ZNF43: variants seen among roughly 807,000 people sequenced by gnomAD.
ZNF43 encodes zinc finger protein 39-like 1 (KOX 27).
A neutral mutation model predicts 68.4 loss-of-function variants in ZNF43; 44 were observed. The ratio of observed to expected loss-of-function variants is 0.64; its 90% CI spans 0.51 to 0.83. ZNF43 has a LOEUF of 0.83. Among genes scored for constraint, ZNF43 ranks in the 40% least tolerant of loss-of-function variants. The pLI is 0.00. For missense variants in ZNF43, 896 were observed against 933.2 expected (o/e 0.96, Z 0.52); for synonymous variants, 308 against 307.8 (o/e 1.00, Z -0.01).
Position 21,809,086 on chromosome 19 carries a change from T to C in ZNF43, c.951A>G (p.Glu317=), listed in dbSNP as rs1431947768. Residue 317 remains glutamate (E), a synonymous_variant, in exon 4 of 4, where the codon GAA becomes GAG. Transcript: ENST00000354959. ...IHPGEKPYKC[E]ECGKAFNWPS... ...GCCAGTTAAAGGCTTTGCCACATTC[T>C]TCACATTTGTAAGGTTTCTCTCCAG... 1 of 1,613,618 alleles carries C rather than the reference T, an allele frequency of 6.2e-7. No homozygotes were observed. Among genetic ancestry groups the C allele is most frequent in the Non-Finnish European group, 8.5e-7 (1 of 1,179,888 alleles).
intron 3 of ZNF43, among the ~76,000 whole-genome samples, chr19:21,816,637 C>T (rs2037541005): frequency 6.6e-6 from 1 of 152,242 alleles, no homozygotes; most frequent in South Asian, 2.1e-4. Flanking sequence ...TTACTGTGGA[C>T]CCTGAAGCAG....
At chr19:21,831,517 C>A in intron 1 of ZNF43, among the ~76,000 whole-genome samples, 1 of 152,002 alleles carries the variant, frequency 6.6e-6, no homozygotes, top group East Asian at 1.9e-4. Context: ...CACACAACAA[C>A]GCCTAGCTAA....
At position 21,836,167 on chromosome 19, in the gene ZNF43, A is replaced by G; in HGVS notation, c.-129T>C. 6.4e-7 allele frequency: 1 copy of G among 1,556,548 alleles called. No individual in the cohort carries two copies. The highest frequency in any genetic ancestry group is 1.2e-5 in the South Asian group (1 of 83,252). ...GAACGAAGACGAGACGCAGAGCTCC[A>G]ACTGCAGCCAGAGACAAAGGCCCCG... On this transcript the variant is annotated 5_prime_UTR_variant, in exon 1 of 4. Transcript: ENST00000354959.
chr19:21,843,366 C>A (rs1385324372), intron 1 of ZNF43: 2 of 985,286 alleles, frequency 2.0e-6, no homozygotes, highest in East Asian at 1.1e-4. Flanking sequence ...CAGTTCTTCA[C>A]GTGTCTTCAT....
In ZNF43 at chr19:21,807,847, T is replaced by C; in HGVS notation, c.2190A>G (p.Gly730=). The C allele has an allele frequency of 1.9e-6, 3 of 1,613,220 alleles. No individual in the cohort carries two copies. Among genetic ancestry groups the C allele is most frequent in the Non-Finnish European group, 2.5e-6 (3 of 1,179,732 alleles). Residue 730 remains glycine (G), a synonymous_variant, in exon 4 of 4, where the codon GGA becomes GGG. Transcript: ENST00000354959. ...NLIEHKKIHT[G]EQPYKCEECG... is the part of the protein sequence containing the mutation. ...ATTCTTCACATTTGTAGGGTTGCTC[T>C]CCAGTATGAATTTTCTTATGTTCAA...
Position 21,805,075 on chromosome 19 carries a change from T to C in ZNF43, c.*2532A>G, listed in dbSNP as rs1452461286. The stretch of plus-strand genomic sequence containing the variant: ...AATGAAGTGTAGAATTGGCTTGTAA[T>C]ACAAAGGATAAATGCTGAAGGTAAT... On this transcript the variant is annotated 3_prime_UTR_variant, in exon 4 of 4. Transcript: ENST00000354959. 2 of 152,214 alleles carry C rather than the reference T, an allele frequency of 1.3e-5. No homozygotes were observed. The highest frequency in any genetic ancestry group is 2.9e-5 in the Non-Finnish European group (2 of 68,036). 9.4% of individuals were successfully genotyped at this position (152,214 alleles called of 1,614,324 possible).
In ZNF43 at chr19:21,818,130, T is replaced by C. The variant is rs149541963; in HGVS notation, c.131-144A>G. 3.6e-5 allele frequency: 30 copies of C among 823,666 alleles called. No individual in the cohort carries two copies. In the African/African-American group the frequency reaches 4.4e-4, roughly 12 times the overall value. 51.0% of individuals were successfully genotyped at this position (823,666 alleles called of 1,614,324 possible). On this transcript the variant is annotated intron_variant, in intron 2 of 3. Transcript: ENST00000354959. The stretch of plus-strand genomic sequence containing the variant: ...AATTTTTTTTTTTTTGGAGATGGAG[T>C]CTCAATCTGTCACCAAGGCTGGAGT...
chr19:21,847,954 C>G (rs62112966), intron 1 of ZNF43, among the ~76,000 whole-genome samples: 2,591 of 152,116 alleles, frequency 0.017, 31 homozygotes, highest in Middle Eastern at 0.041. Context: ...TCCCAAGTCA[C>G]TGGGACTACA....
chr19:21,808,826 C>T lies in ZNF43; in HGVS notation c.1211G>A (p.Gly404Asp), dbSNP rs546539875. 53 of 1,612,968 alleles carry T rather than the reference C, an allele frequency of 3.3e-5. 1 individual carries two copies. In the South Asian group the frequency reaches 4.8e-4, roughly 15 times the overall value. Residue 404 changes from glycine (G) to aspartate (D), a missense_variant, in exon 4 of 4, where the codon GGC becomes GAC. Gly to Asp is a moderately conservative substitution (Grantham distance 94). Transcript: ENST00000354959. The part of the protein sequence containing the change: ...EKKPYKCEEC[G>D]KAFKWSSKLT... ...CTTTGAGGACCACTTAAAAGCTTTG[C>T]CACATTCTTCACATTTGTAGGGTTT...
intron 1 of ZNF43, among the ~76,000 whole-genome samples, chr19:21,850,498 T>G (rs954469998): frequency 2.5e-4 from 38 of 151,692 alleles, no homozygotes; most frequent in Admixed American, 1.1e-3. Flanking sequence ...AAGCGGAAGT[T>G]GCAGTGAGCC....
At chr19:21,843,356 C>G (rs1967668601) in intron 1 of ZNF43, 1 of 985,180 alleles carries the variant, frequency 1.0e-6, no homozygotes, top group Non-Finnish European at 1.2e-6. Context: ...TCAGATAAAA[C>G]AGTTCTTCAC....
chr19:21,812,786 A>T (rs1355216844), intron 3 of ZNF43, among the ~76,000 whole-genome samples: 2 of 152,052 alleles, frequency 1.3e-5, no homozygotes, highest in East Asian at 1.9e-4. Flanking sequence ...CCCCATCTCT[A>T]CTAAAAACAC....
Position 21,807,501 on chromosome 19 carries a change from TA to T in ZNF43, c.*105del. ...AGTTTTGCCACATTCTTCACACTTG[TA>T]GAAGTTTACTCCAATGTAAATTATC... is the stretch of plus-strand genomic sequence containing the variant. On this transcript the variant is annotated 3_prime_UTR_variant, in exon 4 of 4. Coordinates refer to ENST00000354959, the MANE Select transcript of ZNF43 (RefSeq NM_003423.4). 1 of 1,122,270 alleles carries T rather than the reference TA, an allele frequency of 8.9e-7. No individual in the cohort carries two copies. The highest frequency in any genetic ancestry group is 1.2e-6 in the Non-Finnish European group (1 of 817,092). The allele number at this position is 1,122,270 out of a possible 1,614,324, so 69.5% of individuals were successfully genotyped here. A position where few individuals can be genotyped will look rare whatever the true frequency, so the allele number is the denominator to read the frequency against.
At chr19:21,814,399 G>A (rs1426075357) in intron 3 of ZNF43, among the ~76,000 whole-genome samples, 2 of 150,854 alleles carry the variant, frequency 1.3e-5, no homozygotes, top group Non-Finnish European at 2.9e-5. Context: ...ATAGACATTT[G>A]GTGATTGATC....
upstream of ZNF43, chr19:21,840,623 G>A (rs548891158): frequency 1.3e-5 from 2 of 152,278 alleles, no homozygotes; most frequent in East Asian, 1.9e-4. Flanking sequence ...CTCCAGGTGT[G>A]AGATTCAGAA....
In ZNF43 at chr19:21,836,045, G is replaced by A. The variant is rs1236017634; in HGVS notation, c.-7C>T. On this transcript the variant is annotated 5_prime_UTR_variant, in exon 1 of 4. Coordinates refer to ENST00000354959, the MANE Select transcript of ZNF43 (RefSeq NM_003423.4). ...GGACCGGCACTCTCACCATTTCTAG[G>A]CTTCCGGGGGGTCCTGGCGTCTTAG... 10 of 1,613,996 alleles carry A rather than the reference G, an allele frequency of 6.2e-6. No homozygotes were observed. Among genetic ancestry groups the A allele is most frequent in the Non-Finnish European group, 8.5e-6 (10 of 1,179,872 alleles).
intron 1 of ZNF43, chr19:21,827,237 G>A (rs971467752): frequency 1.3e-5 from 2 of 152,150 alleles, no homozygotes; most frequent in African/African-American, 4.8e-5. Flanking sequence ...TTGGATGGGA[G>A]TTCCATATTG....
chr19:21,844,591 A>T (rs554013123), intron 1 of ZNF43, among the ~76,000 whole-genome samples: 1 of 151,962 alleles, frequency 6.6e-6, no homozygotes, highest in Admixed American at 6.6e-5. Context: ...GTAATTTGTA[A>T]GCTCAGGCAA....
Position 21,819,924 on chromosome 19 carries a change from C to G in ZNF43, c.4-703G>C, listed in dbSNP as rs546863234. Among the ~76,000 whole-genome samples the G allele has an allele frequency of 2.6e-5, 4 of 152,086 alleles. No individual in the cohort carries two copies. The South Asian group carries it at 8.3e-4, about 32-fold the overall frequency. On this transcript the variant is annotated intron_variant, in intron 1 of 3. Transcript: ENST00000354959. ...AAAGATTCTTAATAATATGGCCGGG[C>G]ATGGTGGCTCACACCTGTAATCCTA...
Sources: allele counts gnomAD v4.1 joint callset (sites outside exome capture counted in the v4.1 genomes callset), GRCh38; gene constraint gnomAD v4.1.1; transcripts MANE v1.5; gene names NCBI Gene and HGNC (gene_info 2026-07-23, HGNC 2026-07-21).